Variants in EPHA7 observed in about 807,000 individuals in gnomAD.
The protein encoded by EPHA7 is EPH receptor A7.
A neutral mutation model predicts 112.6 loss-of-function variants in EPHA7; 25 were observed. That is an observed-to-expected ratio of 0.22 (90% CI 0.16 to 0.31). EPHA7 has a LOEUF of 0.31. Among genes scored for constraint, EPHA7 ranks in the 10% least tolerant of loss-of-function variants. EPHA7 has a pLI of 1.00. For synonymous variants in EPHA7, 437 were observed against 406.5 expected (o/e 1.07, Z -0.90); for missense variants, 962 against 1,212.6 (o/e 0.79, Z 3.07).
chr6:93,375,818 C>T (rs1350782629), intron 3 of EPHA7, among the ~76,000 whole-genome samples: 1 of 152,162 alleles, frequency 6.6e-6, no homozygotes, highest in East Asian at 1.9e-4. Context: ...TAATCTGCTT[C>T]CCACCTAACC....
intron 3 of EPHA7, among the ~76,000 whole-genome samples, chr6:93,377,074 A>G (rs969629926): frequency 6.6e-6 from 1 of 152,208 alleles, no homozygotes; most frequent in Non-Finnish European, 1.5e-5. Flanking sequence ...CTAACTCTCC[A>G]GTGCAATAGT....
At chr6:93,284,216 A>G (rs1771937620) in intron 5 of EPHA7, among the ~76,000 whole-genome samples, 1 of 152,040 alleles carries the variant, frequency 6.6e-6, no homozygotes, top group South Asian at 2.1e-4. Flanking sequence ...TATGTTTTCC[A>G]GGCCTAAAAC....
At chr6:93,304,501 G>T (rs1773152320) in intron 5 of EPHA7, among the ~76,000 whole-genome samples, 1 of 152,018 alleles carries the variant, frequency 6.6e-6, no homozygotes, top group African/African-American at 2.4e-5. Flanking sequence ...TATTCTAGAT[G>T]CTGTAGGGAA....
chr6:93,340,613 C>T (rs1241694692), intron 5 of EPHA7, among the ~76,000 whole-genome samples: 1 of 151,740 alleles, frequency 6.6e-6, no homozygotes, highest in Non-Finnish European at 1.5e-5. Context: ...CCAAGCATTA[C>T]AAATAAGGGA....
intron 5 of EPHA7, among the ~76,000 whole-genome samples, chr6:93,314,021 T>C (rs1249165376): frequency 6.6e-6 from 1 of 152,152 alleles, no homozygotes; most frequent in East Asian, 1.9e-4. Flanking sequence ...TCATCTTTCT[T>C]CTCGTTTTCA....
chr6:93,243,898 T>G (rs569480204), intron 16 of EPHA7, among the ~76,000 whole-genome samples: 103 of 152,226 alleles, frequency 6.8e-4, no homozygotes, highest in African/African-American at 2.4e-3. Flanking sequence ...ATTTAGAAAT[T>G]TCTAACTGGA....
At position 93,241,934 on chromosome 6, in the gene EPHA7, T is replaced by C. The variant is rs2127843059; in HGVS notation, c.*1492A>G. 1 of 216,204 alleles carries C rather than the reference T, an allele frequency of 4.6e-6. No homozygotes were observed. The highest frequency in any genetic ancestry group is 1.9e-4 in the South Asian group (1 of 5,376). The allele number at this position is 216,204 out of a possible 1,614,324, so 13.4% of individuals were successfully genotyped here. On this transcript the variant is annotated 3_prime_UTR_variant, in exon 17 of 17. Coordinates refer to ENST00000369303, the MANE Select transcript of EPHA7 (RefSeq NM_004440.4). ...TGCCCACATTATCAAACAAGACCAA[T>C]TATGACCGATCCCTGGGATCTTTCT...
intron 9 of EPHA7, among the ~76,000 whole-genome samples, chr6:93,262,353 C>T (rs1236545059): frequency 1.3e-5 from 2 of 151,436 alleles, no homozygotes; most frequent in Admixed American, 1.3e-4. Context: ...GAAGTTCTGA[C>T]ATTGGGGGCA....
In EPHA7 at chr6:93,410,473, T is replaced by C. The variant is rs1316997371; in HGVS notation, c.832+28A>G. On this transcript the variant is annotated intron_variant, in intron 3 of 16. Transcript: ENST00000369303. This position sits in a 1 kb window ranked among gnomAD's most constrained non-coding sequence, Gnocchi z 4.0. The stretch of plus-strand genomic sequence containing the variant: ...GATACTGAAATTTAAAAAGGCAAAG[T>C]GGAGTTTTAATAGGACACATTACTT... 3 of 1,570,454 alleles carry C rather than the reference T, an allele frequency of 1.9e-6. No homozygotes were observed. Among genetic ancestry groups the C allele is most frequent in the Admixed American group, 3.8e-5 (2 of 52,684 alleles).
Position 93,379,549 on chromosome 6 carries a change from G to A in EPHA7, c.833-21138C>T, listed in dbSNP as rs549461512. Among the ~76,000 whole-genome samples the A allele has an allele frequency of 7.9e-5, 12 of 151,964 alleles. No homozygotes were observed. In the East Asian group the frequency reaches 2.1e-3, roughly 27 times the overall value. ...ATATTTAAAAAGCTAAAATATGCAAGAATACACTTAGAAAAGTGATTGTTT... is the reference window on the plus strand; with the variant it reads ...ATATTTAAAAAGCTAAAATATGCAAAAATACACTTAGAAAAGTGATTGTTT... On this transcript the variant is annotated intron_variant, in intron 3 of 16. Transcript: ENST00000369303.
At chr6:93,320,142 T>C (rs1372057142) in intron 5 of EPHA7, among the ~76,000 whole-genome samples, 1 of 152,060 alleles carries the variant, frequency 6.6e-6, no homozygotes, top group Non-Finnish European at 1.5e-5. Context: ...GAGAAATCAC[T>C]GATCCATTTC....
chr6:93,366,133 T>TA (rs1302542378), intron 3 of EPHA7, among the ~76,000 whole-genome samples: 2 of 151,880 alleles, frequency 1.3e-5, no homozygotes, highest in Admixed American at 1.3e-4. Context: ...ATCCAAATGA[T>TA]AAAAAAGAAA....
At chr6:93,295,472 C>A (rs1337077790) in intron 5 of EPHA7, among the ~76,000 whole-genome samples, 1 of 151,076 alleles carries the variant, frequency 6.6e-6, no homozygotes, top group Non-Finnish European at 1.5e-5. Context: ...TTGTGGTTTT[C>A]TTTTTAAATA....
chr6:93,383,291 T>C (rs1396726635), intron 3 of EPHA7, among the ~76,000 whole-genome samples: 3 of 149,564 alleles, frequency 2.0e-5, no homozygotes, highest in Admixed American at 6.7e-5. Context: ...TGTGTGTGTG[T>C]GTGTACAATG....
At chr6:93,412,976 G>A (rs1779049426) in intron 2 of EPHA7, among the ~76,000 whole-genome samples, 1 of 151,760 alleles carries the variant, frequency 6.6e-6, no homozygotes, top group Non-Finnish European at 1.5e-5. Context: ...GAATGCTTCA[G>A]GAAAACTATG....
rs1035177735 is a variant in EPHA7 at position 93,246,835 on chromosome 6, G to C, written c.2683C>G (p.Arg895Gly). 3.1e-6 allele frequency: 5 copies of C among 1,612,182 alleles called. No individual in the cohort carries two copies. The African/African-American group carries it at 5.3e-5, about 17-fold the overall frequency. Reference protein sequence around the residue: ...QIVGILDKMIRNPNSLKTPLG... With the variant: ...QIVGILDKMIGNPNSLKTPLG... ...GGAGTTTTCAGACTATTTGGGTTTC[G>C]AATCATTTTGTCTAGAATTCCAACT... Residue 895 changes from arginine (R) to glycine (G), a missense_variant, in exon 15 of 17, where the codon CGA (arginine) becomes GGA (glycine). By Grantham distance (125) the Arg-to-Gly change is moderately radical. Coordinates refer to ENST00000369303, the MANE Select transcript of EPHA7 (RefSeq NM_004440.4).
chr6:93,414,341 A>G (rs978713963), intron 2 of EPHA7, among the ~76,000 whole-genome samples: 9 of 151,984 alleles, frequency 5.9e-5, no homozygotes, highest in Admixed American at 6.5e-5. Context: ...AGAATTATAT[A>G]CCACTGACAT....
chr6:93,297,671 T>C (rs1300403562), intron 5 of EPHA7, among the ~76,000 whole-genome samples: 2 of 152,080 alleles, frequency 1.3e-5, no homozygotes, highest in African/African-American at 4.8e-5. Context: ...AAATAAAAGC[T>C]TTCTCATACA....
chr6:93,396,566 T>G (rs978032333), intron 3 of EPHA7, among the ~76,000 whole-genome samples: 1 of 151,990 alleles, frequency 6.6e-6, no homozygotes, highest in African/African-American at 2.4e-5. Context: ...GTTAAAGAGA[T>G]TACATAACCC....
Sources: gnomAD v4.1 joint callset for allele counts (sites outside exome capture counted in the v4.1 genomes callset) on GRCh38, gnomAD v4.1.1 for gene constraint, Gnocchi (gnomAD v3.1) non-coding constraint, MANE v1.5 for transcripts, NCBI Gene and HGNC (gene_info 2026-07-23, HGNC 2026-07-21) for gene names.